SYNE1: variants seen among roughly 807,000 people sequenced by gnomAD.
SYNE1 encodes nesprin-1.
SYNE1 carries 616 observed loss-of-function variants against 1,111.0 expected under a neutral mutation model. The observed-to-expected ratio is 0.55, with a 90% CI of 0.52 to 0.59. SYNE1 has a LOEUF of 0.59. SYNE1 is among the 20% of genes least tolerant of loss of function. The probability of loss-of-function intolerance (pLI) is 0.00; values close to 1 mark genes in which losing one functional copy is unlikely to be tolerated. For synonymous variants in SYNE1, 3,855 were observed against 3,825.8 expected (o/e 1.01, Z -0.28); for missense variants, 10,006 against 10,417.0 (o/e 0.96, Z 1.72).
At chr6:152,628,944 A>G (rs911518178) in intron 2 of SYNE1, among the ~76,000 whole-genome samples, 1 of 152,168 alleles carries the variant, frequency 6.6e-6, no homozygotes, top group Non-Finnish European at 1.5e-5. Context: ...TGCTTTGCAC[A>G]TGTTTTGCTC....
At chr6:152,268,743 A>G (rs1007672826) in intron 99 of SYNE1, among the ~76,000 whole-genome samples, 1 of 152,226 alleles carries the variant, frequency 6.6e-6, no homozygotes, top group Admixed American at 6.5e-5. Flanking sequence ...AACGACATCT[A>G]CTTGAAAGTA....
chr6:152,376,945 A>G, intron 56 of SYNE1, 33 bp from the exon 57 acceptor site: 2 of 1,611,794 alleles, frequency 1.2e-6, no homozygotes, highest in African/African-American at 1.3e-5. Flanking sequence ...AGAAGCGAGC[A>G]CTTACATTGG....
chr6:152,393,986 C>T (rs563611161), intron 51 of SYNE1, among the ~76,000 whole-genome samples: 3 of 152,294 alleles, frequency 2.0e-5, no homozygotes, highest in Admixed American at 6.5e-5. Context: ...AAGCCCCCAT[C>T]CCCTGACAGG....
rs1239284797 is a variant in SYNE1, at chr6:152,628,554, C to A, written c.-223G>T. The A allele has an allele frequency of 3.6e-6, 2 of 548,860 alleles. No individual in the cohort carries two copies. The highest frequency in any genetic ancestry group is 2.5e-5 in the South Asian group (1 of 39,900). The allele number at this position is 548,860 out of a possible 1,614,324, so 34.0% of individuals were successfully genotyped here. A position where few individuals can be genotyped will look rare whatever the true frequency, so the allele number is the denominator to read the frequency against. On this transcript the variant is annotated splice_region_variant and 5_prime_UTR_variant, in exon 3 of 146. Transcript: ENST00000367255. ...CTGTCCTCTTACATGAACTCAAGAA[C>A]CTGAAAAACAAAAAAGAAAAGGTAC...
chr6:152,384,495 TA>T (rs936462652), intron 55 of SYNE1, among the ~76,000 whole-genome samples: 10 of 152,170 alleles, frequency 6.6e-5, no homozygotes, highest in Non-Finnish European at 1.3e-4. Flanking sequence ...AAAAAGGACT[TA>T]AAAAGTGGTT....
intron 132 of SYNE1, chr6:152,155,323 T>C (rs1444963776): frequency 2.6e-5 from 11 of 417,056 alleles, no homozygotes; most frequent in Non-Finnish European, 4.5e-5. Flanking sequence ...CTGCCTTGAA[T>C]GTGTGCACCA....
intron 105 of SYNE1, 77 bp downstream of exon 105, chr6:152,249,084 T>C (rs2088322591): frequency 2.9e-6 from 3 of 1,028,256 alleles, no homozygotes; most frequent in Non-Finnish European, 4.6e-6. Context: ...TAATCTTTCA[T>C]AGAATATTCA....
intron 98 of SYNE1, among the ~76,000 whole-genome samples, chr6:152,271,733 G>T (rs890236653): frequency 1.1e-4 from 17 of 152,160 alleles, no homozygotes; most frequent in African/African-American, 4.1e-4. Flanking sequence ...AGTTCAAAAG[G>T]AACCCATAGA....
chr6:152,378,998 C>T (rs1325477831), intron 56 of SYNE1, among the ~76,000 whole-genome samples: 2 of 152,174 alleles, frequency 1.3e-5, no homozygotes, highest in East Asian at 3.8e-4. Flanking sequence ...AAATTCCAAA[C>T]ACTAAACTAG....
At chr6:152,208,498 G>C (rs964251005) in intron 124 of SYNE1, among the ~76,000 whole-genome samples, 1 of 152,140 alleles carries the variant, frequency 6.6e-6, no homozygotes, top group African/African-American at 2.4e-5. Flanking sequence ...AGCATGAGAG[G>C]GGAGGAGTGG....
chr6:152,459,251 A>G (rs1228502058), intron 21 of SYNE1, among the ~76,000 whole-genome samples: 6 of 152,292 alleles, frequency 3.9e-5, no homozygotes, highest in Non-Finnish European at 5.9e-5. Flanking sequence ...TACTTCATAA[A>G]CCATGCAACT....
chr6:152,135,155 A>G lies in SYNE1; in HGVS notation c.25737T>C (p.Ile8579=). Residue 8579 remains isoleucine, a synonymous_variant, in exon 142 of 146, where the codon ATT becomes ATC. Transcript: ENST00000367255. ...IDRRKNEIVP[I]DSNLDAEILQ... ...GTATCTCTGCATCAAGGTTAGAATC[A>G]ATAGGGACAATTTCATTTTTCCTTC... The G allele has an allele frequency of 1.2e-6, 2 of 1,614,186 alleles. No homozygotes were observed. The highest frequency in any genetic ancestry group is 1.7e-6 in the Non-Finnish European group (2 of 1,180,024).
At chr6:152,279,439 G>T (rs1231515566) in intron 97 of SYNE1, among the ~76,000 whole-genome samples, 1 of 151,758 alleles carries the variant, frequency 6.6e-6, no homozygotes, top group East Asian at 1.9e-4. Flanking sequence ...AGTCAGGCTG[G>T]GTGTGGTGGC....
chr6:152,286,266 T>A (rs2153740645), intron 95 of SYNE1, among the ~76,000 whole-genome samples: 1 of 152,330 alleles, frequency 6.6e-6, no homozygotes, highest in East Asian at 1.9e-4. Flanking sequence ...CAGGATTCTA[T>A]AAGCTCTTTT....
intron 75 of SYNE1, 70 bp downstream of exon 75, chr6:152,339,171 T>C: frequency 6.3e-7 from 1 of 1,589,448 alleles, no homozygotes; most frequent in South Asian, 1.1e-5. Flanking sequence ...TCTTTCAATC[T>C]CACATGAAAC....
rs375798794 is a variant in SYNE1, at chr6:152,293,655, A to G, written c.17945T>C (p.Ile5982Thr). Residue 5982 changes from isoleucine (I) to threonine (T), a missense_variant, in exon 95 of 146, where the codon ATT becomes ACT. Coordinates refer to ENST00000367255, the MANE Select transcript of SYNE1 (RefSeq NM_182961.4). Reference protein sequence around the residue: ...LQSISTKMEAIELKLSESPEP... With the variant: ...LQSISTKMEATELKLSESPEP... ...TGGGCTCTCACTGAGTTTCAGCTCA[A>G]TGGCCTCCATCTTCGTAGAGATGGA... 5 of 1,614,006 alleles carry G rather than the reference A, an allele frequency of 3.1e-6. No individual in the cohort carries two copies. In the South Asian group the frequency reaches 3.3e-5, roughly 11 times the overall value.
chr6:152,573,271 T>C (rs1397645602), intron 3 of SYNE1, among the ~76,000 whole-genome samples: 2 of 151,686 alleles, frequency 1.3e-5, no homozygotes, highest in Admixed American at 6.6e-5. Context: ...CATGTTGGTG[T>C]GCTGCACCCA....
At chr6:152,276,685 A>G (rs956239132) in intron 98 of SYNE1, among the ~76,000 whole-genome samples, 1 of 152,116 alleles carries the variant, frequency 6.6e-6, no homozygotes. Flanking sequence ...TGGAGAACAG[A>G]TTGGCCTGGT....
rs755787470 is a variant in SYNE1, at chr6:152,347,105, T to C, written c.12032A>G (p.Gln4011Arg). The part of the protein sequence containing the change: ...KLKQNVHAHL[Q>R]GTKDSYSAIC... ...CGCTGAGTAGCTGTCCTTTGTGCCCTGCAGATGAGCATGCACGTTTTGTTT... is the reference window on the plus strand; with the variant it reads ...CGCTGAGTAGCTGTCCTTTGTGCCCCGCAGATGAGCATGCACGTTTTGTTT... The change falls in exon 73 of 146, where the codon CAG becomes CGG. Residue 4011 changes from glutamine to arginine, a missense_variant. By Grantham distance (43) the Gln-to-Arg change is conservative. Around this residue, in one of 7 missense-constraint regions of SYNE1, gnomAD observed 4,955 missense variants for 5,017.2 expected, o/e 0.99. Transcript: ENST00000367255. The C allele has an allele frequency of 2.1e-5, 34 of 1,614,106 alleles. No homozygotes were observed. The highest frequency in any genetic ancestry group is 2.9e-5 in the Non-Finnish European group (34 of 1,180,050).
Sources: gnomAD v4.1 joint callset for allele counts (sites outside exome capture counted in the v4.1 genomes callset) on GRCh38, gnomAD v4.1.1 for gene constraint, gnomAD v4.1.1 regional missense constraint, MANE v1.5 for transcripts, NCBI Gene and HGNC (gene_info 2026-07-23, HGNC 2026-07-21) for gene names.